Variants in DUSP16 observed in about 807,000 individuals in gnomAD.
DUSP16 encodes dual specificity protein phosphatase 16.
DUSP16 carries 21 observed loss-of-function variants against 58.3 expected under a neutral mutation model. The ratio of observed to expected loss-of-function variants is 0.36; its 90% confidence interval spans 0.26 to 0.52. The LOEUF (loss-of-function observed/expected upper bound fraction) is 0.52. DUSP16 is among the 20% of genes least tolerant of loss of function. DUSP16 has a pLI of 0.94. For missense variants in DUSP16, 726 were observed against 819.0 expected, an observed-to-expected ratio of 0.89 and a Z score of 1.39; for synonymous variants, 320 against 323.8, an observed-to-expected ratio of 0.99 and a Z score of 0.12.
rs1282150222 is a variant in DUSP16 at position 12,476,647 on chromosome 12, A to G, written c.*186T>C. On this transcript the variant is annotated 3_prime_UTR_variant, in exon 7 of 7. Transcript: ENST00000298573. ...TTCCATTTTTGTTGAGAGAAGTATT[A>G]GCTGATCTCTCAAATGCAGATGTTA... The G allele has an allele frequency of 1.8e-6, 1 of 545,324 alleles. No homozygotes were observed. Among genetic ancestry groups the G allele is most frequent in the East Asian group, 3.1e-5 (1 of 32,170 alleles). 33.8% of individuals were successfully genotyped at this position (545,324 alleles called of 1,614,324 possible). A position where few individuals can be genotyped will look rare whatever the true frequency, so the allele number is the denominator to read the frequency against.
intron 1 of DUSP16, among the ~76,000 whole-genome samples, chr12:12,545,411 T>C (rs1592208638): frequency 6.6e-6 from 1 of 151,210 alleles, no homozygotes; most frequent in Admixed American, 6.6e-5. Flanking sequence ...GGGCTACAGG[T>C]GTGCACCACC....
At chr12:12,527,712 A>C (rs1046896423) in intron 1 of DUSP16, among the ~76,000 whole-genome samples, 6 of 152,210 alleles carry the variant, frequency 3.9e-5, no homozygotes, top group African/African-American at 1.4e-4. Flanking sequence ...TTCCTTACCC[A>C]AAAATTGAGG....
At chr12:12,515,534 G>A (rs1361910286) in intron 3 of DUSP16, among the ~76,000 whole-genome samples, 1 of 151,842 alleles carries the variant, frequency 6.6e-6, no homozygotes, top group Non-Finnish European at 1.5e-5. Context: ...CTCCACATTG[G>A]TCAGGCTGGT....
intron 1 of DUSP16, among the ~76,000 whole-genome samples, chr12:12,522,761 G>T (rs373813051): frequency 6.6e-6 from 1 of 151,640 alleles, no homozygotes; most frequent in African/African-American, 2.4e-5. Flanking sequence ...ACAGGGTTTC[G>T]CCATGTTGCC....
intron 1 of DUSP16, among the ~76,000 whole-genome samples, chr12:12,551,200 A>C (rs1218895967): frequency 6.6e-6 from 1 of 152,018 alleles, no homozygotes; most frequent in Non-Finnish European, 1.5e-5. Context: ...CTGTCACTTT[A>C]AGAAAAACCG....
intron 3 of DUSP16, among the ~76,000 whole-genome samples, chr12:12,503,497 A>T (rs1156234578): frequency 1.3e-5 from 2 of 151,850 alleles, no homozygotes; most frequent in Non-Finnish European, 2.9e-5. Context: ...TTTTTTTGTT[A>T]CGGTGATCAA....
chr12:12,527,866 C>T (rs1399182839), intron 1 of DUSP16, among the ~76,000 whole-genome samples: 1 of 152,178 alleles, frequency 6.6e-6, no homozygotes, highest in Non-Finnish European at 1.5e-5. Context: ...AAAGCCGCCC[C>T]TCCAATCAGA....
chr12:12,521,407 T>A lies in DUSP16; in HGVS notation c.-309A>T. On this transcript the variant is annotated 5_prime_UTR_variant, in exon 2 of 7. An upstream open reading frame in the 5' UTR loses its in-frame stop. Coordinates refer to ENST00000298573, the MANE Select transcript of DUSP16 (RefSeq NM_030640.3). ...AGATGCTTTGGAGCAGCCAGCGCAT[T>A]ACATCATTCTTTACCTTTGCTCCCG... 8.1e-7 allele frequency: 1 copy of A among 1,239,812 alleles called. No homozygotes were observed. Among genetic ancestry groups the A allele is most frequent in the Non-Finnish European group, 1.0e-6 (1 of 981,786 alleles). 76.8% of individuals were successfully genotyped at this position (1,239,812 alleles called of 1,614,324 possible).
intron 3 of DUSP16, among the ~76,000 whole-genome samples, chr12:12,502,889 C>G (rs754894032): frequency 1.3e-5 from 2 of 152,132 alleles, no homozygotes; most frequent in East Asian, 1.9e-4. Context: ...ATGCCGTTCT[C>G]TTGTCCAAGA....
At chr12:12,547,687 C>A (rs971237332) in intron 1 of DUSP16, among the ~76,000 whole-genome samples, 2 of 151,874 alleles carry the variant, frequency 1.3e-5, no homozygotes, top group Non-Finnish European at 2.9e-5. Flanking sequence ...GAGGTGATAC[C>A]ATGCTATAAG....
At chr12:12,540,397 G>A (rs146186272) in intron 1 of DUSP16, among the ~76,000 whole-genome samples, 108 of 152,160 alleles carry the variant, frequency 7.1e-4, no homozygotes, top group African/African-American at 2.5e-3. Context: ...AGGAGTTTTC[G>A]TAACATATTA....
intron 5 of DUSP16, among the ~76,000 whole-genome samples, chr12:12,483,112 T>C (rs1943605699): frequency 6.6e-6 from 1 of 152,114 alleles, no homozygotes; most frequent in Admixed American, 6.5e-5. Context: ...CAGGTGGCCA[T>C]TACCGCAATT....
chr12:12,550,671 G>A (rs1944711611), intron 1 of DUSP16, among the ~76,000 whole-genome samples: 2 of 152,110 alleles, frequency 1.3e-5, no homozygotes, highest in Admixed American at 6.5e-5. Flanking sequence ...GAGAACACAT[G>A]GACACTGGGA....
chr12:12,479,511 A>C (rs1437649653), intron 6 of DUSP16, among the ~76,000 whole-genome samples: 1 of 152,170 alleles, frequency 6.6e-6, no homozygotes, highest in African/African-American at 2.4e-5. Context: ...CAGGCTGCTG[A>C]CTTAACATGG....
Position 12,480,191 on chromosome 12 carries a change from G to A in DUSP16, c.815+32C>T, listed in dbSNP as rs372134887. ...CTTTATGTTTCAGGTCAAATGAAAA[G>A]CCAATCACAGAAGACATTTTCCTGC... On this transcript the variant is annotated intron_variant, in intron 6 of 6. Transcript: ENST00000298573. 431 of 1,608,034 alleles carry A rather than the reference G, an allele frequency of 2.7e-4. No homozygotes were observed. The Middle Eastern group carries it at 4.0e-3, about 15-fold the overall frequency.
At chr12:12,479,366 G>A (rs1260252961) in intron 6 of DUSP16, among the ~76,000 whole-genome samples, 1 of 152,110 alleles carries the variant, frequency 6.6e-6, no homozygotes, top group Non-Finnish European at 1.5e-5. Context: ...TAAATGTAGG[G>A]TGCTCATAAT....
intron 3 of DUSP16, among the ~76,000 whole-genome samples, chr12:12,509,384 A>G (rs1378948308): frequency 6.6e-6 from 1 of 152,230 alleles, no homozygotes; most frequent in Non-Finnish European, 1.5e-5. Flanking sequence ...CAGGATCAAC[A>G]AAATACATTT....
At chr12:12,534,091 G>A (rs1025933603) in intron 1 of DUSP16, among the ~76,000 whole-genome samples, 4 of 152,164 alleles carry the variant, frequency 2.6e-5, no homozygotes, top group Non-Finnish European at 5.9e-5. Context: ...CTTGCTCTGA[G>A]CAACTATTTC....
At position 12,520,980 on chromosome 12, in the gene DUSP16, G is replaced by C; in HGVS notation, c.119C>G (p.Ser40Cys). Residue 40 changes from serine (S) to cysteine (C), a missense_variant, in exon 2 of 7, where the codon TCC (serine) becomes TGC (cysteine). Physicochemically the swap from Ser to Cys is moderately radical, Grantham distance 112. Transcript: ENST00000298573. ...GATATTAATGGCTTCCAAAATGTGG[G>C]ATGTATTGTATTCCACAAATGGCCG... ...DSRPFVEYNT[S>C]HILEAININC... The C allele has an allele frequency of 6.2e-7, 1 of 1,614,188 alleles. No homozygotes were observed.
Sources: allele counts gnomAD v4.1 joint callset (sites outside exome capture counted in the v4.1 genomes callset), GRCh38; gene constraint gnomAD v4.1.1; transcripts MANE v1.5; gene names NCBI Gene and HGNC (gene_info 2026-07-23, HGNC 2026-07-21).